Variants in TBCD observed in about 807,000 individuals in gnomAD.
TBCD encodes the protein tubulin folding cofactor D, also known as tubulin-specific chaperone D.
Under a neutral mutation model 169.3 loss-of-function variants are expected in TBCD, and 105 were observed. The ratio of observed to expected loss-of-function variants is 0.62; its 90% CI spans 0.53 to 0.73. The LOEUF is 0.73. TBCD is among the 30% of genes least tolerant of loss of function. TBCD has a pLI of 0.00. For synonymous variants in TBCD, 700 were observed against 643.9 expected (o/e 1.09, Z -1.32); for missense variants, 1,444 against 1,600.1 (o/e 0.90, Z 1.66).
At chr17:82,937,080 A>C in intron 34 of TBCD, 191 bp from the exon 35 acceptor site, 11 of 562,422 alleles carry the variant, frequency 2.0e-5, no homozygotes, top group East Asian at 5.9e-5. Flanking sequence ...CACAGCCGCT[A>C]GGGACCAGGC....
chr17:82,814,561 G>A (rs2051708629), intron 12 of TBCD, among the ~76,000 whole-genome samples: 1 of 152,190 alleles, frequency 6.6e-6, no homozygotes, highest in Non-Finnish European at 1.5e-5. Context: ...TGTCACCCAG[G>A]CTAGAGTGCA....
At position 82,903,163 on chromosome 17, in the gene TBCD, G is replaced by A. The variant is rs1037536492; in HGVS notation, c.1731-242G>A. ...CCCAATTGCCACCTGGCCCTGAGAAGGAAAGGCAGCTGTGTCCCAAGAAGA... is the reference window on the plus strand; with the variant it reads ...CCCAATTGCCACCTGGCCCTGAGAAAGAAAGGCAGCTGTGTCCCAAGAAGA... On this transcript the variant is annotated intron_variant, in intron 18 of 38. Coordinates refer to ENST00000355528, the MANE Select transcript of TBCD (RefSeq NM_005993.5). The surrounding 1 kb of genome is among the most constrained non-coding windows in gnomAD (Gnocchi z 4.8). Among the ~76,000 whole-genome samples the A allele has an allele frequency of 4.6e-5, 7 of 152,150 alleles. No homozygotes were observed. Among genetic ancestry groups the A allele is most frequent in the Non-Finnish European group, 8.8e-5 (6 of 68,022 alleles).
chr17:82,787,977 C>T (rs932950470), intron 7 of TBCD, among the ~76,000 whole-genome samples: 11 of 152,212 alleles, frequency 7.2e-5, no homozygotes, highest in African/African-American at 1.9e-4. Context: ...TGGCTCATGC[C>T]GGTAATCCCA....
At chr17:82,802,316 G>A (rs1207071530) in intron 9 of TBCD, among the ~76,000 whole-genome samples, 1 of 151,942 alleles carries the variant, frequency 6.6e-6, no homozygotes, top group East Asian at 1.9e-4. Flanking sequence ...CTTGGTTAAG[G>A]TCAGCTCACA....
At chr17:82,790,436 C>T (rs1238338372) in intron 7 of TBCD, among the ~76,000 whole-genome samples, 2 of 152,206 alleles carry the variant, frequency 1.3e-5, no homozygotes, top group Non-Finnish European at 2.9e-5. Flanking sequence ...CTCATCTTGG[C>T]CTCGGAAGCA....
chr17:82,925,777 T>C (rs1368637365), intron 27 of TBCD, among the ~76,000 whole-genome samples: 2 of 152,174 alleles, frequency 1.3e-5, no homozygotes, highest in African/African-American at 4.8e-5. Context: ...CTTGGAGATA[T>C]GACAGATGAG....
chr17:82,923,505 G>C lies in TBCD; in HGVS notation c.2179-147G>C. Reference sequence around the variant, plus strand: ...CCTCAGGGCGACCCGCTGGGTCCCTGGTCAGGCAGGGGCTGCTCTGACCTC... The same window carrying C: ...CCTCAGGGCGACCCGCTGGGTCCCTCGTCAGGCAGGGGCTGCTCTGACCTC... On this transcript the variant is annotated intron_variant, in intron 25 of 38. Transcript: ENST00000355528. This position sits in a 1 kb window ranked among gnomAD's most constrained non-coding sequence, Gnocchi z 4.6. 3.0e-6 allele frequency: 2 copies of C among 658,208 alleles called. No homozygotes were observed. Among genetic ancestry groups the C allele is most frequent in the Non-Finnish European group, 5.2e-6 (2 of 383,542 alleles). 40.8% of individuals were successfully genotyped at this position (658,208 alleles called of 1,614,324 possible). A position where few individuals can be genotyped will look rare whatever the true frequency, so the allele number is the denominator to read the frequency against.
intron 13 of TBCD, among the ~76,000 whole-genome samples, chr17:82,847,957 G>C (rs1281680083): frequency 6.6e-6 from 1 of 152,184 alleles, no homozygotes; most frequent in Admixed American, 6.5e-5. Context: ...TGGAACTGGG[G>C]CTAACTTAAT....
At position 82,943,382 on chromosome 17, in the gene TBCD, G is replaced by A. The variant is rs998255989; in HGVS notation, c.*919G>A. Reference sequence around the variant, plus strand: ...CCTGTGCTGTGCTCATAGGGCTTGAGGTGCAGAACCACGGCCAGCAGCACC... The same window carrying A: ...CCTGTGCTGTGCTCATAGGGCTTGAAGTGCAGAACCACGGCCAGCAGCACC... On this transcript the variant is annotated 3_prime_UTR_variant, in exon 39 of 39. Transcript: ENST00000355528. 1 of 152,250 alleles carries A rather than the reference G, an allele frequency of 6.6e-6. No homozygotes were observed. Among genetic ancestry groups the A allele is most frequent in the African/African-American group, 2.4e-5 (1 of 41,438 alleles). The allele number at this position is 152,250 out of a possible 1,614,324, so 9.4% of individuals were successfully genotyped here.
intron 14 of TBCD, among the ~76,000 whole-genome samples, chr17:82,878,820 G>T (rs903699883): frequency 6.6e-6 from 1 of 152,214 alleles, no homozygotes; most frequent in Non-Finnish European, 1.5e-5. Context: ...CCGACGTTCA[G>T]TGATTGCAGC....
rs1168667514 is a variant in TBCD, at chr17:82,889,323, G to A, written c.1534-345G>A. ...GACCATGAGCTGCCTCACTCCTGAG[G>A]AAGAGTGTTCGGGCTCTGGGCTTTG... On this transcript the variant is annotated intron_variant, in intron 15 of 38. Transcript: ENST00000355528. The surrounding 1 kb of genome is among the most constrained non-coding windows in gnomAD (Gnocchi z 5.3). Among the ~76,000 whole-genome samples, 1 of 152,146 alleles carries A rather than the reference G, an allele frequency of 6.6e-6. No homozygotes were observed. The highest frequency in any genetic ancestry group is 6.5e-5 in the Admixed American group (1 of 15,286).
intron 6 of TBCD, among the ~76,000 whole-genome samples, chr17:82,778,989 C>G (rs1370490590): frequency 1.4e-5 from 2 of 145,232 alleles, no homozygotes; most frequent in African/African-American, 5.2e-5. Context: ...GTATTATTTT[C>G]TAGAGATGGG....
At chr17:82,900,496 T>C (rs2059813757) in intron 17 of TBCD, 155 bp from the exon 18 acceptor site, 2 of 626,688 alleles carry the variant, frequency 3.2e-6, no homozygotes, top group Admixed American at 5.6e-5. Flanking sequence ...CTCTTTTCTT[T>C]TGGGTAACTG....
At chr17:82,860,673 G>A (rs1446695225) in intron 13 of TBCD, among the ~76,000 whole-genome samples, 1 of 152,176 alleles carries the variant, frequency 6.6e-6, no homozygotes, top group Admixed American at 6.5e-5. Context: ...TCTGCCATTT[G>A]TGGGGGGTCC....
chr17:82,862,888 G>A (rs1018363646), intron 13 of TBCD, among the ~76,000 whole-genome samples: 1 of 152,196 alleles, frequency 6.6e-6, no homozygotes, highest in Non-Finnish European at 1.5e-5. Flanking sequence ...TCACGCGTCC[G>A]AGGTGGCTGC....
intron 18 of TBCD, among the ~76,000 whole-genome samples, chr17:82,900,972 T>A (rs774590959): frequency 7.2e-5 from 11 of 152,260 alleles, no homozygotes; most frequent in Non-Finnish European, 1.3e-4. Flanking sequence ...CGTGCAAATG[T>A]CCACGCTGGC....
chr17:82,850,206 T>C (rs145836008), intron 13 of TBCD, among the ~76,000 whole-genome samples: 7,368 of 20,606 alleles, frequency 0.36, 553 homozygotes, highest in East Asian at 0.43. Context: ...GGCTGTGCTG[T>C]TGTTGGCTGT....
Position 82,864,551 on chromosome 17 carries a change from C to G in TBCD, c.1319-5673C>G, listed in dbSNP as rs2057015308. On this transcript the variant is annotated intron_variant, in intron 13 of 38. Coordinates refer to ENST00000355528, the MANE Select transcript of TBCD (RefSeq NM_005993.5). The surrounding 1 kb of genome is among the most constrained non-coding windows in gnomAD (Gnocchi z 6.3). ...GTGTGGTGGGGATTTGTGACTGTCC[C>G]CAGCACCTTGACAGAGGGTCCTTGA... is the stretch of plus-strand genomic sequence containing the variant. The G allele has an allele frequency of 6.6e-6, 1 of 152,358 alleles. No homozygotes were observed. Among genetic ancestry groups the G allele is most frequent in the Non-Finnish European group, 1.5e-5 (1 of 68,146 alleles). The allele number at this position is 152,358 out of a possible 1,614,324, so 9.4% of individuals were successfully genotyped here.
chr17:82,815,051 C>T (rs771024917), intron 13 of TBCD, 117 bp downstream of exon 13: 25 of 1,484,214 alleles, frequency 1.7e-5, no homozygotes, highest in East Asian at 2.4e-5. Flanking sequence ...CGGTCAGCTG[C>T]GTCACCAGGC....
Sources: gnomAD v4.1 joint callset for allele counts (sites outside exome capture counted in the v4.1 genomes callset) on GRCh38, gnomAD v4.1.1 for gene constraint, Gnocchi (gnomAD v3.1) non-coding constraint, MANE v1.5 for transcripts, NCBI Gene and HGNC (gene_info 2026-07-23, HGNC 2026-07-21) for gene names.